MAPK14: variants seen among roughly 807,000 people sequenced by gnomAD.
MAPK14 encodes mitogen-activated protein kinase 14.
Under a neutral mutation model 49.6 loss-of-function variants are expected in MAPK14, and 16 were observed. The ratio of observed to expected loss-of-function variants is 0.32; its 90% confidence interval spans 0.22 to 0.49. The LOEUF (loss-of-function observed/expected upper bound fraction) is 0.49, where lower values mean the gene tolerates loss of function less well. Among genes scored for constraint, MAPK14 ranks in the 20% least tolerant of loss-of-function variants. The pLI is 0.99. For synonymous variants in MAPK14, 142 were observed against 158.0 expected, an observed-to-expected ratio of 0.90 and a Z score of 0.76; for missense variants, 200 against 441.2, an observed-to-expected ratio of 0.45 and a Z score of 4.90.
chr6:36,045,827 A>AG (rs1562105196), intron 1 of MAPK14, among the ~76,000 whole-genome samples: 2 of 150,930 alleles, frequency 1.3e-5, no homozygotes, highest in African/African-American at 2.4e-5. Flanking sequence ...AAAAAAAAAA[A>AG]AAAAAAGAAA....
intron 8 of MAPK14, among the ~76,000 whole-genome samples, chr6:36,081,102 A>T (rs1319240031): frequency 3.9e-5 from 6 of 151,944 alleles, no homozygotes; most frequent in Non-Finnish European, 8.8e-5. Context: ...AAGTATTTTC[A>T]CCTATTTTGT....
At chr6:36,047,216 C>A (rs904448889) in intron 1 of MAPK14, among the ~76,000 whole-genome samples, 5 of 152,140 alleles carry the variant, frequency 3.3e-5, no homozygotes, top group African/African-American at 1.2e-4. Context: ...AGAGTAATGG[C>A]TTCTTAGAGG....
chr6:36,073,631 A>G, intron 4 of MAPK14, 60 bp from the exon 5 acceptor site: 2 of 1,333,064 alleles, frequency 1.5e-6, no homozygotes, highest in South Asian at 1.2e-5. Context: ...TGCAGCAAAT[A>G]TGTTATATAA....
chr6:36,072,830 T>C, intron 3 of MAPK14, 43 bp from the exon 4 acceptor site: 11 of 1,071,844 alleles, frequency 1.0e-5, no homozygotes, highest in African/African-American at 1.6e-5. Flanking sequence ...AAGAACTTTC[T>C]TAGGGGTTCT....
chr6:36,107,323 A>T lies in MAPK14; in HGVS notation c.842-132A>T. The T allele has an allele frequency of 1.8e-6, 1 of 556,872 alleles. No individual in the cohort carries two copies. The highest frequency in any genetic ancestry group is 3.1e-6 in the Non-Finnish European group (1 of 318,444). The allele number at this position is 556,872 out of a possible 1,614,324, so 34.5% of individuals were successfully genotyped here. ...ACATAAAGGAGAAGAGGGCTAATATATCCTAGAGTAGGTATTTTGGAGGAG... is the reference window on the plus strand; with the variant it reads ...ACATAAAGGAGAAGAGGGCTAATATTTCCTAGAGTAGGTATTTTGGAGGAG... On this transcript the variant is annotated intron_variant, in intron 10 of 11. Coordinates refer to ENST00000229794, the MANE Select transcript of MAPK14 (RefSeq NM_139012.3). The surrounding 1 kb of genome is among the most constrained non-coding windows in gnomAD (Gnocchi z 4.3).
At chr6:36,050,531 G>A (rs1003125717) in intron 1 of MAPK14, among the ~76,000 whole-genome samples, 3 of 152,162 alleles carry the variant, frequency 2.0e-5, no homozygotes, top group Non-Finnish European at 4.4e-5. Flanking sequence ...TGGGTGTGCC[G>A]TTCACCTGGA....
intron 8 of MAPK14, among the ~76,000 whole-genome samples, chr6:36,084,599 T>C (rs1764903654): frequency 6.6e-6 from 1 of 152,110 alleles, no homozygotes; most frequent in Non-Finnish European, 1.5e-5. Context: ...ATTTCAGAGC[T>C]TGAAGACTAT....
At chr6:36,077,504 A>T (rs1764578915) in intron 8 of MAPK14, among the ~76,000 whole-genome samples, 2 of 152,188 alleles carry the variant, frequency 1.3e-5, no homozygotes, top group South Asian at 4.2e-4. Context: ...CCCTTACCTA[A>T]ATAAACTAAT....
chr6:36,030,555 C>T (rs1412021677), intron 1 of MAPK14, among the ~76,000 whole-genome samples: 1 of 151,860 alleles, frequency 6.6e-6, no homozygotes, highest in Non-Finnish European at 1.5e-5. Context: ...CCCGTGGTGG[C>T]GGGCGCCTGT....
At chr6:36,101,834 G>A (rs545037491) in intron 9 of MAPK14, among the ~76,000 whole-genome samples, 3 of 152,154 alleles carry the variant, frequency 2.0e-5, no homozygotes, top group African/African-American at 7.2e-5. Flanking sequence ...TTATAAACTT[G>A]TGTGTGTATG....
At position 36,081,078 on chromosome 6, in the gene MAPK14, G is replaced by C. The variant is rs559162842; in HGVS notation, c.682+4470G>C. On this transcript the variant is annotated intron_variant, in intron 8 of 11. Transcript: ENST00000229794. ...CTTTATATATCTTAGACCCTTATCA[G>C]ATACATGATTTGCAAGTATTTTCAC... Among the ~76,000 whole-genome samples the C allele has an allele frequency of 4.6e-5, 7 of 152,138 alleles. No individual in the cohort carries two copies. In the East Asian group the frequency reaches 1.3e-3, roughly 29 times the overall value.
chr6:36,081,558 G>A (rs986659543), intron 8 of MAPK14, among the ~76,000 whole-genome samples: 1 of 152,078 alleles, frequency 6.6e-6, no homozygotes, highest in Non-Finnish European at 1.5e-5. Context: ...ATACACGTGT[G>A]GGTTTAATTC....
At chr6:36,100,978 G>A (rs1765613536) in intron 9 of MAPK14, among the ~76,000 whole-genome samples, 1 of 152,150 alleles carries the variant, frequency 6.6e-6, no homozygotes, top group Non-Finnish European at 1.5e-5. Context: ...CTCTGAATGA[G>A]ATAGTTCTCT....
chr6:36,031,370 ACTT>A (rs1342194493), intron 1 of MAPK14, among the ~76,000 whole-genome samples: 1 of 152,058 alleles, frequency 6.6e-6, no homozygotes, highest in Non-Finnish European at 1.5e-5. Flanking sequence ...ATTTTTTGGA[ACTT>A]CTTTTAGAAT....
intron 3 of MAPK14, among the ~76,000 whole-genome samples, chr6:36,059,644 T>G (rs746760957): frequency 6.6e-6 from 1 of 152,024 alleles, no homozygotes; most frequent in Non-Finnish European, 1.5e-5. Context: ...CTTTTCAAAG[T>G]GTTTATCCCA....
chr6:36,053,948 A>T, intron 2 of MAPK14, among the ~76,000 whole-genome samples: 1 of 140,114 alleles, frequency 7.1e-6, no homozygotes, highest in Non-Finnish European at 1.6e-5. Context: ...CTATTTCTAC[A>T]GACAACTTCT....
intron 1 of MAPK14, among the ~76,000 whole-genome samples, chr6:36,046,778 T>C (rs1321449271): frequency 2.6e-5 from 4 of 152,240 alleles, no homozygotes; most frequent in East Asian, 1.9e-4. Context: ...ATATTTACTT[T>C]TATTAGTAAA....
chr6:36,035,026 G>A (rs1000541212), intron 1 of MAPK14, among the ~76,000 whole-genome samples: 1 of 150,988 alleles, frequency 6.6e-6, no homozygotes, highest in Admixed American at 6.6e-5. Flanking sequence ...AGCCTCCCAA[G>A]TAGCTGGGAC....
chr6:36,093,222 C>T (rs1765309564), intron 8 of MAPK14, among the ~76,000 whole-genome samples: 1 of 152,084 alleles, frequency 6.6e-6, no homozygotes, highest in Non-Finnish European at 1.5e-5. Flanking sequence ...ATAATTTGAG[C>T]CAGAGTCAAA....
Sources: gnomAD v4.1 joint callset for allele counts (sites outside exome capture counted in the v4.1 genomes callset) on GRCh38, gnomAD v4.1.1 for gene constraint, Gnocchi (gnomAD v3.1) non-coding constraint, MANE v1.5 for transcripts, NCBI Gene and HGNC (gene_info 2026-07-23, HGNC 2026-07-21) for gene names.